The following CHMP4B variants were observed in gnomAD, a reference collection of about 807,000 sequenced individuals.
CHMP4B encodes the protein SNF7 homolog associated with Alix 1.
CHMP4B carries 1 observed loss-of-function variant against 25.1 expected under a neutral mutation model. That is an observed-to-expected ratio of 0.04 (90% CI 0.01 to 0.19). The LOEUF (loss-of-function observed/expected upper bound fraction) is 0.19. Among genes scored for constraint, CHMP4B ranks in the 10% least tolerant of loss-of-function variants. CHMP4B has a pLI of 1.00. For missense variants in CHMP4B, 151 were observed against 289.7 expected, an observed-to-expected ratio of 0.52 and a Z score of 3.48; for synonymous variants, 101 against 115.6, an observed-to-expected ratio of 0.87 and a Z score of 0.81.
In CHMP4B at chr20:33,852,177, C is replaced by G; in HGVS notation, c.584C>G (p.Pro195Arg). 1 of 1,614,166 alleles carries G rather than the reference C, an allele frequency of 6.2e-7. No individual in the cohort carries two copies. Among genetic ancestry groups the G allele is most frequent in the Non-Finnish European group, 8.5e-7 (1 of 1,180,026 alleles). ...GPETVPLPNV[P>R]SIALPSKPAK... Reference sequence around the variant, plus strand: ...GAAACAGTCCCTCTACCAAATGTTCCCTCTATAGCCCTACCATCAAAACCC... The same window carrying G: ...GAAACAGTCCCTCTACCAAATGTTCGCTCTATAGCCCTACCATCAAAACCC... The change falls in exon 4 of 5, where the codon CCC (proline) becomes CGC (arginine). Residue 195 changes from proline to arginine, a missense_variant. Pro to Arg is a moderately radical substitution (Grantham distance 103, BLOSUM62 -2). Transcript: ENST00000217402.
Position 33,853,773 on chromosome 20 carries a change from G to GGGGGGGGGGGGGGGGGGGGGGGGGAGA in CHMP4B, c.*213_*214insGGGGGGGGGGGGGGGGGGGGGGGGAGA. 7.9e-5 allele frequency: 2 copies of GGGGGGGGGGGGGGGGGGGGGGGGGAGA among 25,270 alleles called. No individual in the cohort carries two copies. Among genetic ancestry groups the GGGGGGGGGGGGGGGGGGGGGGGGGAGA allele is most frequent in the South Asian group, 1.4e-3 (1 of 694 alleles). 1.6% of individuals were successfully genotyped at this position (25,270 alleles called of 1,614,324 possible). A position where few individuals can be genotyped will look rare whatever the true frequency, so the allele number is the denominator to read the frequency against. On this transcript the variant is annotated 3_prime_UTR_variant, in exon 5 of 5. Transcript: ENST00000217402. ...GGGGGGAGGGGGGCGGGCGGGGTGG[G>GGGGGGGGGGGGGGGGGGGGGGGGGAGA]AAGTGCCTGCTGTTTATAATGTTGA...
At chr20:33,850,800 T>TA in intron 2 of CHMP4B, 152 bp from the exon 3 acceptor site, 2 of 695,734 alleles carry the variant, frequency 2.9e-6, no homozygotes, top group Non-Finnish European at 5.3e-6. Context: ...GAGGAGGCAA[T>TA]AATGCCAAGT....
chr20:33,836,157 A>G (rs1979386813), intron 1 of CHMP4B, among the ~76,000 whole-genome samples: 1 of 152,140 alleles, frequency 6.6e-6, no homozygotes. Flanking sequence ...CATCTGTGTT[A>G]GTTTGGGTTA....
At chr20:33,830,543 G>A (rs1979210631) in intron 1 of CHMP4B, among the ~76,000 whole-genome samples, 1 of 152,196 alleles carries the variant, frequency 6.6e-6, no homozygotes, top group Admixed American at 6.5e-5. Context: ...CCTTCTTGCT[G>A]TGTCCTCACA....
chr20:33,818,121 A>G (rs565592220), intron 1 of CHMP4B, among the ~76,000 whole-genome samples: 2 of 152,372 alleles, frequency 1.3e-5, no homozygotes, highest in African/African-American at 4.8e-5. Context: ...AGTGCCTGCC[A>G]GAATGCCTGG....
intron 1 of CHMP4B, among the ~76,000 whole-genome samples, chr20:33,822,875 A>C (rs910905357): frequency 6.6e-6 from 1 of 151,622 alleles, no homozygotes; most frequent in Non-Finnish European, 1.5e-5. Context: ...GCTCACTGCA[A>C]GCTCCACCTC....
chr20:33,834,451 G>C (rs1469608077), intron 1 of CHMP4B, among the ~76,000 whole-genome samples: 1 of 152,086 alleles, frequency 6.6e-6, no homozygotes, highest in Non-Finnish European at 1.5e-5. Flanking sequence ...AGCTGGGGCA[G>C]TACAGGTGCC....
intron 1 of CHMP4B, among the ~76,000 whole-genome samples, chr20:33,826,991 A>G (rs1236338818): frequency 2.6e-5 from 4 of 152,180 alleles, no homozygotes; most frequent in Non-Finnish European, 5.9e-5. Flanking sequence ...GGTTGATGAC[A>G]GTGACCTGTA....
intron 1 of CHMP4B, among the ~76,000 whole-genome samples, chr20:33,832,598 C>T (rs2122797527): frequency 6.6e-6 from 1 of 152,190 alleles, no homozygotes; most frequent in East Asian, 1.9e-4. Flanking sequence ...TTTAAAAGTG[C>T]CTTCGTTGCC....
rs185116074 is a variant in CHMP4B, at chr20:33,851,975, C to T, written c.484-102C>T. The T allele has an allele frequency of 1.5e-4, 233 of 1,509,188 alleles. 3 individuals carry two copies. In the East Asian group the frequency reaches 5.1e-3, roughly 33 times the overall value. The allele number at this position is 1,509,188 out of a possible 1,614,324, so 93.5% of individuals were successfully genotyped here. A position where few individuals can be genotyped will look rare whatever the true frequency, so the allele number is the denominator to read the frequency against. ...GAATTCACCTCCCCGCAGACCTTCT[C>T]AGAGGGGTGTGTGTCTCCATGAGCA... On this transcript the variant is annotated intron_variant, in intron 3 of 4. Coordinates refer to ENST00000217402, the MANE Select transcript of CHMP4B (RefSeq NM_176812.5).
At chr20:33,835,961 C>T (rs1444593974) in intron 1 of CHMP4B, among the ~76,000 whole-genome samples, 1 of 152,214 alleles carries the variant, frequency 6.6e-6, no homozygotes, top group Non-Finnish European at 1.5e-5. Flanking sequence ...GAGGGATCCG[C>T]CCCCATGATC....
At chr20:33,837,559 G>A (rs922206508) in intron 1 of CHMP4B, among the ~76,000 whole-genome samples, 1 of 152,138 alleles carries the variant, frequency 6.6e-6, no homozygotes, top group Non-Finnish European at 1.5e-5. Flanking sequence ...GCCAGAACTT[G>A]TAAGGAGACG....
intron 1 of CHMP4B, among the ~76,000 whole-genome samples, chr20:33,826,828 C>G (rs1360142150): frequency 6.6e-6 from 1 of 152,038 alleles, no homozygotes; most frequent in Non-Finnish European, 1.5e-5. Flanking sequence ...GTAGCTTGAC[C>G]CAGCCTCATT....
intron 3 of CHMP4B, among the ~76,000 whole-genome samples, chr20:33,851,458 CT>C (rs1331144148): frequency 6.6e-6 from 1 of 152,160 alleles, no homozygotes; most frequent in Non-Finnish European, 1.5e-5. Flanking sequence ...GCACTTACCC[CT>C]GACCCGGGGT....
chr20:33,822,582 G>C (rs149099198), intron 1 of CHMP4B, among the ~76,000 whole-genome samples: 489 of 152,330 alleles, frequency 3.2e-3, no homozygotes, highest in African/African-American at 0.011. Context: ...TGGGTGTCAA[G>C]TTGTAATGGG....
At position 33,811,502 on chromosome 20, in the gene CHMP4B, G is replaced by A; in HGVS notation, c.34G>A (p.Gly12Arg). 1 of 1,595,268 alleles carries A rather than the reference G, an allele frequency of 6.3e-7. No individual in the cohort carries two copies. The highest frequency in any genetic ancestry group is 8.5e-7 in the Non-Finnish European group (1 of 1,170,704). ...GTTCGGGAAGCTGTTCGGGGCTGGA[G>A]GGGGTAAGGCCGGCAAGGGCGGCCC... ...SVFGKLFGAG[G>R]GKAGKGGPTP... The change falls in exon 1 of 5, where the codon GGG becomes AGG. Residue 12 changes from glycine to arginine, a missense_variant. Gly to Arg is a moderately radical substitution (Grantham distance 125). Around this residue, in one of 3 missense-constraint regions of CHMP4B, gnomAD observed 28 missense variants for 30.5 expected, o/e 0.92. Transcript: ENST00000217402.
At chr20:33,814,455 T>G (rs1413308001) in intron 1 of CHMP4B, among the ~76,000 whole-genome samples, 1 of 151,894 alleles carries the variant, frequency 6.6e-6, no homozygotes, top group African/African-American at 2.4e-5. Context: ...GGCACCTGTT[T>G]GGGGGGAAGG....
chr20:33,844,973 A>C (rs991887005), intron 1 of CHMP4B, among the ~76,000 whole-genome samples: 3 of 151,824 alleles, frequency 2.0e-5, no homozygotes, highest in Admixed American at 6.6e-5. Flanking sequence ...GTTAGCCAGG[A>C]TGGTCTTGAT....
intron 1 of CHMP4B, among the ~76,000 whole-genome samples, chr20:33,846,315 G>A (rs1239578156): frequency 6.6e-6 from 1 of 152,184 alleles, no homozygotes; most frequent in African/African-American, 2.4e-5. Context: ...CTTATGAAGT[G>A]AGCATGACTT....
Sources: gnomAD v4.1 joint callset for allele counts (sites outside exome capture counted in the v4.1 genomes callset) on GRCh38, gnomAD v4.1.1 for gene constraint, gnomAD v4.1.1 regional missense constraint, MANE v1.5 for transcripts, NCBI Gene and HGNC (gene_info 2026-07-23, HGNC 2026-07-21) for gene names.